The following TPCN2 variants were observed in gnomAD, a reference collection of about 807,000 sequenced individuals.
TPCN2 encodes two pore channel protein 2.
Under a neutral mutation model 111.4 loss-of-function variants are expected in TPCN2, and 92 were observed. The observed-to-expected ratio is 0.83, with a 90% CI of 0.70 to 0.98. The LOEUF is 0.98. Ranked by LOEUF, TPCN2 falls within the 50% of genes least tolerant of loss-of-function variation. TPCN2 has a pLI of 0.00. For missense variants in TPCN2, 995 were observed against 980.1 expected (o/e 1.02, Z -0.20); for synonymous variants, 405 against 414.5 (o/e 0.98, Z 0.28).
Position 69,057,683 on chromosome 11 carries a change from G to A in TPCN2, c.535G>A (p.Val179Met), listed in dbSNP as rs371461781. The change falls in exon 5 of 25, where the codon GTG becomes ATG. Residue 179 changes from valine (V) to methionine (M), a missense_variant. Coordinates refer to ENST00000294309, the MANE Select transcript of TPCN2 (RefSeq NM_139075.4). ...LVDWTVSLSL[V>M]CHEPLRIRRL... The stretch of plus-strand genomic sequence containing the variant: ...GGACTGGACCGTGTCCCTGAGTCTC[G>A]TGTGTCATGAGGTAGGTGGTGAGGC... The A allele has an allele frequency of 9.5e-5, 153 of 1,613,952 alleles. No individual in the cohort carries two copies. Among genetic ancestry groups the A allele is most frequent in the Non-Finnish European group, 1.2e-4 (137 of 1,179,920 alleles).
intron 13 of TPCN2, among the ~76,000 whole-genome samples, chr11:69,078,175 A>G (rs1378212988): frequency 2.1e-5 from 3 of 144,434 alleles, no homozygotes; most frequent in African/African-American, 5.1e-5. Context: ...TTTTTTTTAT[A>G]TATATCAGGG....
At chr11:69,080,884 A>G (rs1209973893) in intron 17 of TPCN2, among the ~76,000 whole-genome samples, 2 of 152,184 alleles carry the variant, frequency 1.3e-5, no homozygotes, top group African/African-American at 4.8e-5. Context: ...TTCAACAGAA[A>G]TGAAAGCATG....
intron 19 of TPCN2, among the ~76,000 whole-genome samples, chr11:69,084,297 T>C (rs1020583506): frequency 6.6e-6 from 1 of 152,168 alleles, no homozygotes; most frequent in Non-Finnish European, 1.5e-5. Flanking sequence ...TTTGAGTCTC[T>C]CGTGTTTTCT....
chr11:69,072,224 G>A (rs1350684547), intron 11 of TPCN2, among the ~76,000 whole-genome samples: 3 of 125,096 alleles, frequency 2.4e-5, no homozygotes, highest in South Asian at 2.2e-4. Flanking sequence ...CTTTGTCTTC[G>A]TGCCCCCCGG....
At chr11:69,054,246 C>T (rs1192960556) in intron 2 of TPCN2, 149 bp downstream of exon 2, 2 of 650,966 alleles carry the variant, frequency 3.1e-6, no homozygotes, top group East Asian at 2.7e-5. Context: ...GGGCACGGCT[C>T]TTCGTCAGTC....
intron 4 of TPCN2, 57 bp from the exon 5 acceptor site, chr11:69,057,520 TG>T: frequency 6.6e-7 from 1 of 1,512,256 alleles, no homozygotes; most frequent in Non-Finnish European, 9.2e-7. Context: ...CGTCATTCTC[TG>T]GCTGCAGGGC....
chr11:69,082,031 C>T (rs906502963), intron 18 of TPCN2, among the ~76,000 whole-genome samples: 1 of 152,092 alleles, frequency 6.6e-6, no homozygotes, highest in Non-Finnish European at 1.5e-5. Context: ...CCTTGCTGCT[C>T]CTGGCATCAT....
In TPCN2 at chr11:69,087,910, C is replaced by G. The variant is rs761661042; in HGVS notation, c.2216C>G (p.Thr739Arg). The G allele has an allele frequency of 1.2e-6, 2 of 1,612,484 alleles. No individual in the cohort carries two copies. Among genetic ancestry groups the G allele is most frequent in the Non-Finnish European group, 1.7e-6 (2 of 1,179,884 alleles). The change falls in exon 25 of 25, where the codon ACA (threonine) becomes AGA (arginine). Residue 739 changes from threonine (T) to arginine (R), a missense_variant. Transcript: ENST00000294309. ...GAGGAGCCCGGGGAGGATGAGCTCA[C>G]AGAGAGGCTGAGCCAGCACCCGCAC... ...ILEEPGEDEL[T>R]ERLSQHPHLW...
chr11:69,059,900 A>G (rs995588224), intron 5 of TPCN2, among the ~76,000 whole-genome samples: 48 of 152,332 alleles, frequency 3.2e-4, no homozygotes, highest in African/African-American at 1.1e-3. Context: ...GGCACCAGGC[A>G]TAGCCTCCGT....
At chr11:69,055,129 G>A in intron 3 of TPCN2, 46 bp from the exon 4 acceptor site, 1 of 1,595,564 alleles carries the variant, frequency 6.3e-7, no homozygotes, top group Non-Finnish European at 8.5e-7. Context: ...TCTGGGCCCT[G>A]AGGGCTGCTG....
At chr11:69,058,920 A>G (rs905201315) in intron 5 of TPCN2, among the ~76,000 whole-genome samples, 8 of 152,278 alleles carry the variant, frequency 5.3e-5, no homozygotes, top group Non-Finnish European at 7.3e-5. Context: ...AGCCACACCA[A>G]GAATCCTTAT....
At chr11:69,081,366 C>A in intron 17 of TPCN2, 34 bp from the exon 18 acceptor site, 1 of 1,467,138 alleles carries the variant, frequency 6.8e-7, no homozygotes, top group Non-Finnish European at 9.2e-7. Context: ...GGCTCCTGGG[C>A]TCCTCCCAAC....
chr11:69,081,347 T>C, intron 17 of TPCN2, 53 bp from the exon 18 acceptor site: 1 of 1,320,034 alleles, frequency 7.6e-7, no homozygotes, highest in Non-Finnish European at 1.0e-6. Flanking sequence ...CCTTGTCTCC[T>C]CCCTGTGGGG....
At position 69,062,992 on chromosome 11, in the gene TPCN2, T is replaced by A. The variant is rs770566022; in HGVS notation, c.653+2T>A. 1 of 1,613,530 alleles carries A rather than the reference T, an allele frequency of 6.2e-7. No homozygotes were observed. The highest frequency in any genetic ancestry group is 8.5e-7 in the Non-Finnish European group (1 of 1,179,560). On this transcript the variant is annotated splice_donor_variant, in intron 6 of 24. Transcript: ENST00000294309. LOFTEE classifies it high-confidence loss of function. ...CTGGTCGCTGCCGGAAATGGCCAGG[T>A]GGGCTCTTGGTGCTCTGGGCTCGCA...
rs542517248 is a variant in TPCN2, at chr11:69,057,525, G to T, written c.430-53G>T. The T allele has an allele frequency of 2.3e-5, 35 of 1,529,552 alleles. No homozygotes were observed. In the South Asian group the frequency reaches 3.9e-4, roughly 17 times the overall value. The allele number at this position is 1,529,552 out of a possible 1,614,324, so 94.7% of individuals were successfully genotyped here. ...CGCTGCGCACCGTCATTCTCTGGCT[G>T]CAGGGCCAGCGTGTGGGGCTACTTG... is the stretch of plus-strand genomic sequence containing the variant. On this transcript the variant is annotated intron_variant, in intron 4 of 24. Transcript: ENST00000294309.
At chr11:69,060,894 G>T (rs1166275465) in intron 5 of TPCN2, among the ~76,000 whole-genome samples, 1 of 152,250 alleles carries the variant, frequency 6.6e-6, no homozygotes, top group East Asian at 1.9e-4. Flanking sequence ...CAGGGCAGGG[G>T]CCAGAGCCCT....
chr11:69,071,336 G>A lies in TPCN2; in HGVS notation c.896-20G>A, dbSNP rs1265503355. ...TGCTGTACTGGTGGCGCCCCTGACC[G>A]TGGCTGTCTCCTCTTGAAGGAAGCC... On this transcript the variant is annotated intron_variant, in intron 9 of 24. Coordinates refer to ENST00000294309, the MANE Select transcript of TPCN2 (RefSeq NM_139075.4). 1 of 1,611,786 alleles carries A rather than the reference G, an allele frequency of 6.2e-7. No individual in the cohort carries two copies. Among genetic ancestry groups the A allele is most frequent in the Non-Finnish European group, 8.5e-7 (1 of 1,178,552 alleles).
chr11:69,080,322 C>A (rs1419918099), intron 17 of TPCN2, among the ~76,000 whole-genome samples: 1 of 152,240 alleles, frequency 6.6e-6, no homozygotes, highest in East Asian at 1.9e-4. Context: ...TCATCGCCTC[C>A]CACTCTGGAC....
intron 13 of TPCN2, among the ~76,000 whole-genome samples, chr11:69,074,283 A>G (rs1257752087): frequency 6.6e-6 from 1 of 152,244 alleles, no homozygotes; most frequent in Non-Finnish European, 1.5e-5. Context: ...CACTTCGGGC[A>G]TCCTCTTTAG....
Sources: gnomAD v4.1 joint callset for allele counts (sites outside exome capture counted in the v4.1 genomes callset) on GRCh38, gnomAD v4.1.1 for gene constraint, MANE v1.5 for transcripts, NCBI Gene and HGNC (gene_info 2026-07-23, HGNC 2026-07-21) for gene names.